The following RC3H1 variants were observed in gnomAD, a reference collection of about 807,000 sequenced individuals.
RC3H1 encodes roquin-1.
Under a neutral mutation model 138.2 loss-of-function variants are expected in RC3H1, and 50 were observed. The observed-to-expected ratio is 0.36, with a 90% CI of 0.29 to 0.46. The LOEUF is 0.46. RC3H1 is among the 20% of genes least tolerant of loss of function. The pLI, the probability that RC3H1 is intolerant of heterozygous loss-of-function variation, is 1.00. For missense variants in RC3H1, 1,031 were observed against 1,388.1 expected, an observed-to-expected ratio of 0.74 and a Z score of 4.09; for synonymous variants, 462 against 489.1, an observed-to-expected ratio of 0.94 and a Z score of 0.73.
At chr1:173,996,785 C>G (rs954953389) in intron 1 of RC3H1, among the ~76,000 whole-genome samples, 6 of 152,196 alleles carry the variant, frequency 3.9e-5, no homozygotes, top group Non-Finnish European at 7.3e-5. Flanking sequence ...CTCTCACTTT[C>G]CCTCAGAGAC....
At chr1:173,982,672 CT>C in intron 5 of RC3H1, 54 bp downstream of exon 5, 1 of 1,436,812 alleles carries the variant, frequency 7.0e-7, no homozygotes, top group Non-Finnish European at 9.3e-7. Flanking sequence ...TACTACTTAA[CT>C]TTGGGGAAAG....
intron 1 of RC3H1, among the ~76,000 whole-genome samples, chr1:173,996,093 A>C (rs1018703716): frequency 6.6e-6 from 1 of 152,120 alleles, no homozygotes; most frequent in African/African-American, 2.4e-5. Flanking sequence ...ATCTCTACTA[A>C]AATTACAAAA....
chr1:173,969,688 G>A (rs1007568333), intron 9 of RC3H1, among the ~76,000 whole-genome samples: 7 of 151,128 alleles, frequency 4.6e-5, no homozygotes, highest in Non-Finnish European at 8.8e-5. Flanking sequence ...GGCAACATAG[G>A]GAGACCCTGT....
chr1:174,002,320 C>T (rs1167749288), intron 1 of RC3H1, among the ~76,000 whole-genome samples: 1 of 152,184 alleles, frequency 6.6e-6, no homozygotes, highest in Non-Finnish European at 1.5e-5. Flanking sequence ...GGCAAATAAT[C>T]ATGTGGGATG....
intron 1 of RC3H1, among the ~76,000 whole-genome samples, chr1:174,017,850 T>C (rs567620760): frequency 3.1e-4 from 46 of 148,744 alleles, no homozygotes; most frequent in Non-Finnish European, 6.3e-4. Flanking sequence ...CTTGGAAATT[T>C]TTTAGATAAA....
chr1:173,993,301 T>C (rs1378197055), intron 1 of RC3H1, among the ~76,000 whole-genome samples, 166 bp from the exon 2 acceptor site: 1 of 145,234 alleles, frequency 6.9e-6, no homozygotes, highest in Non-Finnish European at 1.5e-5. Flanking sequence ...ATAGAACATC[T>C]ATTTCCATTC....
intron 1 of RC3H1, among the ~76,000 whole-genome samples, chr1:174,010,063 G>C (rs886929459): frequency 3.3e-5 from 5 of 151,838 alleles, no homozygotes; most frequent in Non-Finnish European, 1.5e-5. Flanking sequence ...GATTCCTTCT[G>C]TAATCTTTCT....
rs370943651 is a variant in RC3H1, at chr1:174,021,588, A to G, written c.-151+508T>C. 3.9e-5 allele frequency among the ~76,000 whole-genome samples: 6 copies of G among 152,188 alleles called. No homozygotes were observed. In the South Asian group the frequency reaches 6.2e-4, roughly 16 times the overall value. On this transcript the variant is annotated intron_variant, in intron 1 of 19. Transcript: ENST00000367696. ...ATCTCCAGGGACTTCAGGGAAACAGACACCGTGAAATCCACTTGGCCAAAG... is the reference window on the plus strand; with the variant it reads ...ATCTCCAGGGACTTCAGGGAAACAGGCACCGTGAAATCCACTTGGCCAAAG...
intron 3 of RC3H1, among the ~76,000 whole-genome samples, chr1:173,984,156 G>A (rs1345807347): frequency 6.6e-6 from 1 of 152,144 alleles, no homozygotes; most frequent in Non-Finnish European, 1.5e-5. Context: ...GGAAAGCACT[G>A]CTGAAGTAAG....
Position 173,978,632 on chromosome 1 carries a change from T to C in RC3H1, c.970-12A>G. 6.2e-7 allele frequency: 1 copy of C among 1,603,320 alleles called. No individual in the cohort carries two copies. The highest frequency in any genetic ancestry group is 8.5e-7 in the Non-Finnish European group (1 of 1,175,308). Reference sequence around the variant, plus strand: ...GCTGGAGTCTGCAACTTAAAAAAGATAAATGTTAACTTTCCCAAAGGTCAG... The same window carrying C: ...GCTGGAGTCTGCAACTTAAAAAAGACAAATGTTAACTTTCCCAAAGGTCAG... On this transcript the variant is annotated splice_polypyrimidine_tract_variant and intron_variant, in intron 6 of 19. Transcript: ENST00000367696.
At chr1:173,950,515 G>C (rs888070750) in intron 14 of RC3H1, among the ~76,000 whole-genome samples, 1 of 151,750 alleles carries the variant, frequency 6.6e-6, no homozygotes, top group Non-Finnish European at 1.5e-5. Flanking sequence ...CTTGAGTCCA[G>C]GAGTGTGAGG....
chr1:173,994,796 CA>C (rs984715226), intron 1 of RC3H1, among the ~76,000 whole-genome samples: 5,855 of 67,148 alleles, frequency 0.087, 328 homozygotes, highest in African/African-American at 0.23. Flanking sequence ...GACCCCATCT[CA>C]AAAAAAAAAA....
At chr1:173,967,059 C>T (rs185102240) in intron 9 of RC3H1, among the ~76,000 whole-genome samples, 64 of 151,876 alleles carry the variant, frequency 4.2e-4, no homozygotes, top group Non-Finnish European at 5.4e-4. Flanking sequence ...CAATGGCTCA[C>T]GCCTGTAATC....
intron 13 of RC3H1, among the ~76,000 whole-genome samples, chr1:173,960,094 T>G (rs1417362201): frequency 1.7e-5 from 2 of 114,750 alleles, no homozygotes; most frequent in Admixed American, 1.2e-4. Context: ...GGCAACAGAA[T>G]GAGACTCCGA....
At position 173,942,693 on chromosome 1, in the gene RC3H1, G is replaced by A. The variant is rs953980398; in HGVS notation, c.3135+749C>T. ...TAAAAATACAAAAAATTAGCCAGGC[G>A]AGGTGGCAGGCGCCTAGTCCCAGCT... On this transcript the variant is annotated intron_variant, in intron 18 of 19. Transcript: ENST00000367696. 4.0e-5 allele frequency among the ~76,000 whole-genome samples: 6 copies of A among 151,862 alleles called. No individual in the cohort carries two copies. In the South Asian group the frequency reaches 6.2e-4, roughly 16 times the overall value.
At position 173,936,751 on chromosome 1, in the gene RC3H1, ATATATATATAT is replaced by A. The variant is rs1176234438; in HGVS notation, c.*1959_*1969del. On this transcript the variant is annotated 3_prime_UTR_variant, in exon 20 of 20. Coordinates refer to ENST00000367696, the MANE Select transcript of RC3H1 (RefSeq NM_172071.4). ...CATACATATATATATATATATATAT[ATATATATATAT>A]TTTTTTTTTTTTTTTTAAAAAAAGA... 24 of 58,764 alleles carry A rather than the reference ATATATATATAT, an allele frequency of 4.1e-4. No homozygotes were observed. Among genetic ancestry groups the A allele is most frequent in the African/African-American group, 1.9e-3 (10 of 5,150 alleles). 3.6% of individuals were successfully genotyped at this position (58,764 alleles called of 1,614,324 possible).
intron 1 of RC3H1, among the ~76,000 whole-genome samples, chr1:174,010,010 A>T (rs1016326392): frequency 1.3e-5 from 2 of 152,126 alleles, no homozygotes; most frequent in African/African-American, 4.8e-5. Flanking sequence ...AGGTAATATG[A>T]TGGTCACTTG....
intron 7 of RC3H1, 125 bp downstream of exon 7, chr1:173,978,363 C>A: frequency 1.1e-6 from 1 of 934,234 alleles, no homozygotes; most frequent in Non-Finnish European, 1.6e-6. Context: ...ACTTAAAATA[C>A]TGTAAAAAAG....
At chr1:173,963,947 T>C (rs760160039) in intron 11 of RC3H1, 26 bp downstream of exon 11, 1 of 1,589,854 alleles carries the variant, frequency 6.3e-7, no homozygotes, top group Non-Finnish European at 8.6e-7. Flanking sequence ...TAAGAAAAGT[T>C]AGCAATATAA....
Sources: allele counts gnomAD v4.1 joint callset (sites outside exome capture counted in the v4.1 genomes callset), GRCh38; gene constraint gnomAD v4.1.1; transcripts MANE v1.5; gene names NCBI Gene and HGNC (gene_info 2026-07-23, HGNC 2026-07-21).